The following MORC1 variants were observed in gnomAD, a reference collection of about 807,000 sequenced individuals.
MORC1 encodes the protein MORC family CW-type zinc finger 1.
A neutral mutation model predicts 134.9 loss-of-function variants in MORC1; 59 were observed. The ratio of observed to expected loss-of-function variants is 0.44; its 90% CI spans 0.35 to 0.54. The LOEUF (loss-of-function observed/expected upper bound fraction) is 0.54. MORC1 is among the 20% of genes least tolerant of loss of function. The pLI, the probability that MORC1 is intolerant of heterozygous loss-of-function variation, is 0.00. For synonymous variants in MORC1, 395 were observed against 391.7 expected, an observed-to-expected ratio of 1.01 and a Z score of -0.10; for missense variants, 947 against 1,134.5, an observed-to-expected ratio of 0.83 and a Z score of 2.37.
chr3:109,087,325 C>T (rs1950633087), intron 8 of MORC1, among the ~76,000 whole-genome samples: 1 of 152,058 alleles, frequency 6.6e-6, no homozygotes, highest in Non-Finnish European at 1.5e-5. Context: ...ATCTAGAAAA[C>T]CCCATAGTCT....
intron 4 of MORC1, among the ~76,000 whole-genome samples, chr3:109,102,914 T>C (rs1477651441): frequency 6.6e-6 from 1 of 152,090 alleles, no homozygotes; most frequent in Non-Finnish European, 1.5e-5. Flanking sequence ...CCTGGAAAAA[T>C]CAAAATTATC....
At chr3:109,071,341 G>A (rs1462592621) in intron 8 of MORC1, among the ~76,000 whole-genome samples, 1 of 152,100 alleles carries the variant, frequency 6.6e-6, no homozygotes, top group African/African-American at 2.4e-5. Context: ...ACATATATGT[G>A]TGTATATATA....
intron 8 of MORC1, among the ~76,000 whole-genome samples, chr3:109,085,144 CTG>C (rs566293549): frequency 2.6e-5 from 4 of 151,074 alleles, no homozygotes; most frequent in African/African-American, 7.3e-5. Flanking sequence ...GTGTATGTGT[CTG>C]TGTGTGTGTG....
intron 4 of MORC1, among the ~76,000 whole-genome samples, chr3:109,102,345 T>C (rs1467071707): frequency 6.6e-6 from 1 of 152,004 alleles, no homozygotes; most frequent in Non-Finnish European, 1.5e-5. Flanking sequence ...TTGTATTAAG[T>C]AATGGAAAAC....
intron 13 of MORC1, among the ~76,000 whole-genome samples, 175 bp downstream of exon 13, chr3:109,057,168 G>T (rs1949980204): frequency 6.6e-6 from 1 of 152,182 alleles, no homozygotes; most frequent in Non-Finnish European, 1.5e-5. Context: ...CATGCATGCA[G>T]ATTCACTGAT....
chr3:109,108,061 T>C (rs1277747006), intron 3 of MORC1, among the ~76,000 whole-genome samples: 1 of 151,996 alleles, frequency 6.6e-6, no homozygotes, highest in African/African-American at 2.4e-5. Context: ...GCCGGGTGTG[T>C]GCCTGTAATC....
In MORC1 at chr3:109,041,617, G is replaced by A. The variant is rs561765971; in HGVS notation, c.1331-6149C>T. Among the ~76,000 whole-genome samples the A allele has an allele frequency of 3.3e-5, 5 of 152,260 alleles. No homozygotes were observed. The East Asian group carries it at 5.8e-4, about 18-fold the overall frequency. On this transcript the variant is annotated intron_variant, in intron 14 of 27. Coordinates refer to ENST00000232603, the MANE Select transcript of MORC1 (RefSeq NM_014429.4). ...TAATCCCAGCACTTTCAGAGGCCAA[G>A]GCGGGCAGCTCATGAGGTCAAGAGA...
At chr3:109,011,233 C>CA (rs1035758665) in intron 17 of MORC1, among the ~76,000 whole-genome samples, 76 of 151,900 alleles carry the variant, frequency 5.0e-4, no homozygotes, top group African/African-American at 1.7e-3. Context: ...AAAACCAAAA[C>CA]AAAAAAAACC....
chr3:109,028,663 A>G (rs1481639407), intron 16 of MORC1, among the ~76,000 whole-genome samples: 1 of 152,116 alleles, frequency 6.6e-6, no homozygotes, highest in African/African-American at 2.4e-5. Context: ...GTTTGAGGCC[A>G]TTTTTCCTTT....
At chr3:109,093,296 C>T (rs542671967) in intron 8 of MORC1, 140 bp downstream of exon 8, 33 of 616,774 alleles carry the variant, frequency 5.4e-5, no homozygotes, top group Admixed American at 4.7e-4. Context: ...CTGACCTAGC[C>T]CAACTTTACT....
chr3:109,013,773 G>A (rs955518362), intron 17 of MORC1, among the ~76,000 whole-genome samples: 7 of 152,176 alleles, frequency 4.6e-5, no homozygotes, highest in Non-Finnish European at 7.4e-5. Context: ...AATCTGCAAT[G>A]CAACAGTGTT....
intron 14 of MORC1, among the ~76,000 whole-genome samples, chr3:109,045,330 T>C (rs1949669270): frequency 7.1e-6 from 1 of 141,060 alleles, no homozygotes; most frequent in African/African-American, 2.7e-5. Context: ...ACCCCTCTCA[T>C]TTAAAGCTAA....
At chr3:109,000,338 G>A (rs968066415) in intron 21 of MORC1, among the ~76,000 whole-genome samples, 1 of 152,164 alleles carries the variant, frequency 6.6e-6, no homozygotes, top group Non-Finnish European at 1.5e-5. Flanking sequence ...ACAGAAAGGT[G>A]CCGTGGACTA....
chr3:108,966,961 G>A (rs1350906996), intron 26 of MORC1, among the ~76,000 whole-genome samples: 1 of 152,216 alleles, frequency 6.6e-6, no homozygotes, highest in Non-Finnish European at 1.5e-5. Flanking sequence ...TACAATAGTA[G>A]TTATGAAAAC....
At chr3:109,106,543 C>A (rs761943895) in intron 3 of MORC1, among the ~76,000 whole-genome samples, 7 of 152,128 alleles carry the variant, frequency 4.6e-5, no homozygotes, top group Non-Finnish European at 7.4e-5. Flanking sequence ...AAAACAAACA[C>A]CTCCTCCCAC....
chr3:109,103,941 T>C (rs1219138602), intron 3 of MORC1, 24 bp from the exon 4 acceptor site: 2 of 1,597,054 alleles, frequency 1.3e-6, no homozygotes, highest in Admixed American at 3.3e-5. Flanking sequence ...CAGTTATTAC[T>C]AATAAATATC....
At chr3:109,018,695 G>A (rs1259379184) in intron 17 of MORC1, among the ~76,000 whole-genome samples, 1 of 152,144 alleles carries the variant, frequency 6.6e-6, no homozygotes, top group African/African-American at 2.4e-5. Context: ...AGAGCAAAGG[G>A]TGATTCCTTG....
Position 109,103,549 on chromosome 3 carries a change from A to C in MORC1, c.223+300T>G, listed in dbSNP as rs577452667. Among the ~76,000 whole-genome samples, 6 of 152,308 alleles carry C rather than the reference A, an allele frequency of 3.9e-5. 1 individual carries two copies. The highest frequency in any genetic ancestry group is 1.4e-4 in the African/African-American group (6 of 41,570). On this transcript the variant is annotated intron_variant, in intron 4 of 27. Transcript: ENST00000232603. Reference sequence around the variant, plus strand: ...CTAAAAACAATCTCAGAGTCTATTCAGTGACTATTTGTTTTCCATTCATTC... The same window carrying C: ...CTAAAAACAATCTCAGAGTCTATTCCGTGACTATTTGTTTTCCATTCATTC...
At chr3:109,047,754 T>C (rs1949725754) in intron 14 of MORC1, among the ~76,000 whole-genome samples, 2 of 152,200 alleles carry the variant, frequency 1.3e-5, no homozygotes, top group South Asian at 4.1e-4. Flanking sequence ...TCTTTAGCAG[T>C]ATAGAGTTCA....
Sources: allele counts gnomAD v4.1 joint callset (sites outside exome capture counted in the v4.1 genomes callset), GRCh38; gene constraint gnomAD v4.1.1; transcripts MANE v1.5; gene names NCBI Gene and HGNC (gene_info 2026-07-23, HGNC 2026-07-21).